Variants in ZFC3H1 observed in about 807,000 individuals in gnomAD.
ZFC3H1 encodes the protein zinc finger C3H1 domain-containing protein.
In ZFC3H1, 71 loss-of-function variants were observed where a neutral mutation model predicts 243.7. That is an observed-to-expected ratio of 0.29 (90% confidence interval 0.24 to 0.36). ZFC3H1 has a LOEUF of 0.36. Ranked by LOEUF, ZFC3H1 falls within the 10% of genes least tolerant of loss-of-function variation. ZFC3H1 has a pLI of 1.00. For synonymous variants in ZFC3H1, 838 were observed against 813.0 expected (o/e 1.03, Z -0.52); for missense variants, 1,966 against 2,317.1 (o/e 0.85, Z 3.11).
At chr12:71,610,598 TTAGC>T in intron 34 of ZFC3H1, 33 bp from the exon 35 acceptor site, 1 of 1,612,548 alleles carries the variant, frequency 6.2e-7, no homozygotes, top group Non-Finnish European at 8.5e-7. Flanking sequence ...GAAGTAAGAC[TTAGC>T]TAGAGTTTGA....
At chr12:71,627,693 C>T (rs1398410323) in intron 21 of ZFC3H1, 58 bp downstream of exon 21, 6 of 1,511,904 alleles carry the variant, frequency 4.0e-6, no homozygotes, top group Admixed American at 2.2e-5. Flanking sequence ...GTAAAAAAAC[C>T]TCAAACATAA....
At chr12:71,625,587 G>A (rs1880144393) in intron 22 of ZFC3H1, among the ~76,000 whole-genome samples, 2 of 152,118 alleles carry the variant, frequency 1.3e-5, no homozygotes, top group Admixed American at 6.5e-5. Flanking sequence ...AGCTTTTCAG[G>A]AGGCTGAGTC....
At chr12:71,615,348 T>C (rs772612264) in intron 27 of ZFC3H1, 32 bp from the exon 28 acceptor site, 1 of 1,389,516 alleles carries the variant, frequency 7.2e-7, no homozygotes, top group South Asian at 1.2e-5. Context: ...TTGTTTTAAA[T>C]TACACCTACC....
chr12:71,630,406 T>C (rs190108379), intron 18 of ZFC3H1, among the ~76,000 whole-genome samples, 194 bp downstream of exon 18: 78 of 152,324 alleles, frequency 5.1e-4, no homozygotes, highest in African/African-American at 1.8e-3. Flanking sequence ...ATTGGGTACT[T>C]GAAATGTGGC....
At chr12:71,645,139 A>G in intron 3 of ZFC3H1, 64 bp from the exon 4 acceptor site, 1 of 1,428,202 alleles carries the variant, frequency 7.0e-7, no homozygotes, top group Non-Finnish European at 9.3e-7. Context: ...ACATTTCATC[A>G]AGTCAAATCC....
At chr12:71,619,201 T>C (rs1879964473) in intron 27 of ZFC3H1, 114 bp downstream of exon 27, 1 of 822,978 alleles carries the variant, frequency 1.2e-6, no homozygotes, top group Admixed American at 3.0e-5. Flanking sequence ...TAAGTGGGTA[T>C]TCAAGTACTA....
intron 12 of ZFC3H1, among the ~76,000 whole-genome samples, chr12:71,633,891 C>T (rs1254345346): frequency 6.6e-6 from 1 of 152,186 alleles, no homozygotes; most frequent in East Asian, 1.9e-4. Flanking sequence ...CTCCTGATCT[C>T]AAGTGATCCA....
At chr12:71,614,792 T>C in intron 29 of ZFC3H1, 42 bp downstream of exon 29, 2 of 1,602,298 alleles carry the variant, frequency 1.2e-6, no homozygotes, top group Non-Finnish European at 1.7e-6. Flanking sequence ...TCATACCCCT[T>C]TATCCCCAAA....
At chr12:71,615,176 T>A in intron 28 of ZFC3H1, 30 bp downstream of exon 28, 11 of 1,506,278 alleles carry the variant, frequency 7.3e-6, no homozygotes, top group Non-Finnish European at 9.2e-6. Context: ...AGGCCTAGTA[T>A]GCAATATCTC....
intron 30 of ZFC3H1, among the ~76,000 whole-genome samples, chr12:71,614,030 G>C (rs1354363847): frequency 6.6e-6 from 1 of 152,056 alleles, no homozygotes; most frequent in African/African-American, 2.4e-5. Flanking sequence ...TCATTAATTA[G>C]ATTCTACTTT....
intron 27 of ZFC3H1, among the ~76,000 whole-genome samples, chr12:71,616,756 G>T (rs1198270149): frequency 6.6e-6 from 1 of 152,094 alleles, no homozygotes; most frequent in Non-Finnish European, 1.5e-5. Context: ...GGGCTGTATG[G>T]GGGGCAAACA....
At chr12:71,662,951 A>C in intron 1 of ZFC3H1, 62 bp downstream of exon 1, 1 of 1,453,012 alleles carries the variant, frequency 6.9e-7, no homozygotes, top group Non-Finnish European at 9.3e-7. Context: ...TCACAGACCT[A>C]GTAATGACGC....
chr12:71,646,875 A>T (rs1880743295), intron 3 of ZFC3H1, among the ~76,000 whole-genome samples: 1 of 152,264 alleles, frequency 6.6e-6, no homozygotes. Context: ...TAAGCTCGTT[A>T]GTTCCCACTA....
chr12:71,611,892 A>C lies in ZFC3H1; in HGVS notation c.5628-5T>G, dbSNP rs1448396281. ...TCCCATTCATGTTGAAGTAACCTGT[A>C]AAGTACATTCAGGAAAATGAACAAA... is the stretch of plus-strand genomic sequence containing the variant. On this transcript the variant is annotated splice_region_variant and splice_polypyrimidine_tract_variant and intron_variant, in intron 31 of 34. Transcript: ENST00000378743. 2.5e-6 allele frequency: 4 copies of C among 1,580,332 alleles called. No individual in the cohort carries two copies. In the Admixed American group the frequency reaches 5.2e-5, roughly 20 times the overall value.
chr12:71,614,941 G>A lies in ZFC3H1; in HGVS notation c.5256-3C>T. 1 of 1,609,710 alleles carries A rather than the reference G, an allele frequency of 6.2e-7. No homozygotes were observed. ...TTGATTGAAGAGGATGACAAAGGCT[G>A]TTTAAAAAATGAAGGAAAACATATG... On this transcript the variant is annotated splice_polypyrimidine_tract_variant and splice_region_variant and intron_variant, in intron 28 of 34. Transcript: ENST00000378743.
rs34399921 is a variant in ZFC3H1 at position 71,634,827 on chromosome 12, T to TAA, written c.2239-4_2239-3dup. Reference sequence around the variant, plus strand: ...AGGTACTTTCGGTTTTGAAGCTTGCTAAAAAAAAAAAAACATTTGAAGTCA... The same window carrying TAA: ...AGGTACTTTCGGTTTTGAAGCTTGCTAAAAAAAAAAAAAAACATTTGAAGTCA... On this transcript the variant is annotated splice_polypyrimidine_tract_variant and splice_region_variant and intron_variant, in intron 10 of 34. Coordinates refer to ENST00000378743, the MANE Select transcript of ZFC3H1 (RefSeq NM_144982.5). 516 of 1,400,318 alleles carry TAA rather than the reference T, an allele frequency of 3.7e-4. No individual in the cohort carries two copies. The highest frequency in any genetic ancestry group is 1.5e-3 in the South Asian group (108 of 73,966). 86.7% of individuals were successfully genotyped at this position (1,400,318 alleles called of 1,614,324 possible).
chr12:71,619,329 G>C lies in ZFC3H1; in HGVS notation c.5130C>G (p.Asn1710Lys), dbSNP rs911241704. The C allele has an allele frequency of 1.2e-6, 2 of 1,613,474 alleles. No homozygotes were observed. Among genetic ancestry groups the C allele is most frequent in the African/African-American group, 2.7e-5 (2 of 74,888 alleles). ...FFKPGFEKYN[N>K]LDLFRYLLNI... ...CTACAACTTACCGAAACAGATCCAAGTTATTATACTTCTCAAACCCCGGTT... is the reference window on the plus strand; with the variant it reads ...CTACAACTTACCGAAACAGATCCAACTTATTATACTTCTCAAACCCCGGTT... Residue 1710 changes from asparagine to lysine, a missense_variant, in exon 27 of 35, where the codon AAC becomes AAG. Transcript: ENST00000378743.
chr12:71,663,091 G>T lies in ZFC3H1; in HGVS notation c.520C>A (p.Pro174Thr), dbSNP rs1364345653. ...GERGGKPGCR[P>T]PLGGGAGSGF... ...GATCCTGCTCCTCCTCCCAGAGGAG[G>T]TCTGCACCCCGGCTTGCCTCCTCGC... Residue 174 changes from proline to threonine, a missense_variant, in exon 1 of 35, where the codon CCT becomes ACT. Transcript: ENST00000378743. 6.2e-7 allele frequency: 1 copy of T among 1,614,068 alleles called. No homozygotes were observed. The highest frequency in any genetic ancestry group is 1.1e-5 in the South Asian group (1 of 91,084).
At chr12:71,644,069 T>C (rs775173608) in intron 5 of ZFC3H1, 26 bp downstream of exon 5, 2 of 1,584,294 alleles carry the variant, frequency 1.3e-6, no homozygotes, top group Non-Finnish European at 8.6e-7. Context: ...AGTAACGTTT[T>C]GATTTTATAT....
Sources: allele counts gnomAD v4.1 joint callset (sites outside exome capture counted in the v4.1 genomes callset), GRCh38; gene constraint gnomAD v4.1.1; transcripts MANE v1.5; gene names NCBI Gene and HGNC (gene_info 2026-07-23, HGNC 2026-07-21).